Variants in USP32 observed in about 807,000 individuals in gnomAD.
The protein encoded by USP32 is ubiquitin carboxyl-terminal hydrolase 32.
In USP32, 59 loss-of-function variants were observed where a neutral mutation model predicts 204.8. The ratio of observed to expected loss-of-function variants is 0.29; its 90% CI spans 0.23 to 0.36. USP32 has a LOEUF of 0.36. Ranked by LOEUF, USP32 falls within the 10% of genes least tolerant of loss-of-function variation. The pLI is 1.00. For missense variants in USP32, 1,160 were observed against 1,946.4 expected, an observed-to-expected ratio of 0.60 and a Z score of 7.60; for synonymous variants, 517 against 678.4, an observed-to-expected ratio of 0.76 and a Z score of 3.70.
At chr17:60,407,605 A>G (rs919373158) in intron 1 of USP32, among the ~76,000 whole-genome samples, 19 of 152,064 alleles carry the variant, frequency 1.2e-4, no homozygotes, top group African/African-American at 4.6e-4. Flanking sequence ...ACTACAAAAT[A>G]CAGACATTCA....
chr17:60,301,762 G>T, intron 2 of USP32, 58 bp from the exon 3 acceptor site: 1 of 1,241,160 alleles, frequency 8.1e-7, no homozygotes, highest in Non-Finnish European at 1.1e-6. Flanking sequence ...AGGAATCTGA[G>T]GCAGCTATCA....
intron 29 of USP32, among the ~76,000 whole-genome samples, chr17:60,187,084 T>C (rs536977205): frequency 8.5e-5 from 13 of 152,336 alleles, no homozygotes; most frequent in African/African-American, 1.7e-4. Context: ...ACTTCCTCCA[T>C]GAATTTCCCT....
chr17:60,386,541 A>T (rs893428158), intron 1 of USP32, among the ~76,000 whole-genome samples: 12 of 152,146 alleles, frequency 7.9e-5, no homozygotes, highest in African/African-American at 2.9e-4. Flanking sequence ...CAGTGCCAAA[A>T]ATCTTCCTTT....
intron 27 of USP32, among the ~76,000 whole-genome samples, chr17:60,196,243 T>A (rs1248756933): frequency 1.4e-5 from 2 of 142,596 alleles, no homozygotes; most frequent in African/African-American, 2.9e-5. Flanking sequence ...TCCAGCCTGG[T>A]GACAGAGCAA....
intron 11 of USP32, among the ~76,000 whole-genome samples, chr17:60,248,847 G>A (rs536528353): frequency 1.2e-4 from 18 of 152,068 alleles, no homozygotes; most frequent in Admixed American, 2.6e-4. Context: ...TTTTTTCCTC[G>A]TATATGGGTC....
At chr17:60,194,095 T>C (rs553837904) in intron 27 of USP32, among the ~76,000 whole-genome samples, 68 of 151,894 alleles carry the variant, frequency 4.5e-4, no homozygotes, top group Non-Finnish European at 9.3e-4. Flanking sequence ...CAGGCTGGAG[T>C]GCAGTGGCGC....
intron 9 of USP32, among the ~76,000 whole-genome samples, chr17:60,262,685 T>A (rs2086483442): frequency 6.6e-6 from 1 of 152,152 alleles, no homozygotes; most frequent in African/African-American, 2.4e-5. Context: ...GCCTTCAATA[T>A]ATGAATCTGT....
rs375066429 is a variant in USP32, at chr17:60,301,366, A to T, written c.292+233T>A. On this transcript the variant is annotated intron_variant, in intron 3 of 33. Coordinates refer to ENST00000300896, the MANE Select transcript of USP32 (RefSeq NM_032582.4). ...TTCCACATCTTCCTCAACACTTATT[A>T]TCAGGCTTTTTACTTTTAGCCACTC... 7.4e-4 allele frequency: 226 copies of T among 307,050 alleles called. 2 individuals carry two copies. Among genetic ancestry groups the T allele is most frequent in the African/African-American group, 4.4e-3 (200 of 44,960 alleles). The allele number at this position is 307,050 out of a possible 1,614,324, so 19.0% of individuals were successfully genotyped here. A position where few individuals can be genotyped will look rare whatever the true frequency, so the allele number is the denominator to read the frequency against.
At chr17:60,271,320 A>C (rs1220430216) in intron 6 of USP32, 30 bp downstream of exon 6, 18 of 1,610,846 alleles carry the variant, frequency 1.1e-5, no homozygotes, top group African/African-American at 2.7e-5. Flanking sequence ...TTTACCAGTG[A>C]ACATATGTAG....
intron 2 of USP32, among the ~76,000 whole-genome samples, chr17:60,324,857 G>T (rs2088194407): frequency 6.6e-6 from 1 of 152,014 alleles, no homozygotes; most frequent in Non-Finnish European, 1.5e-5. Context: ...TACAAAATTA[G>T]CCAGGTGTGG....
In USP32 at chr17:60,187,285, C is replaced by G. The variant is rs141203672; in HGVS notation, c.3643-1634G>C. On this transcript the variant is annotated intron_variant, in intron 29 of 33. Transcript: ENST00000300896. ...TAAGGTTCTAGCACTGCATAACTAT[C>G]CAGGCTAAAGAGCTCATTTAAAAAG... Among the ~76,000 whole-genome samples, 542 of 152,272 alleles carry G rather than the reference C, an allele frequency of 3.6e-3. 2 individuals carry two copies. The highest frequency in any genetic ancestry group is 0.012 in the African/African-American group (497 of 41,564).
At position 60,219,782 on chromosome 17, in the gene USP32, G is replaced by C; in HGVS notation, c.1755C>G (p.Ile585Met). 6.2e-7 allele frequency: 1 copy of C among 1,609,532 alleles called. No homozygotes were observed. The highest frequency in any genetic ancestry group is 8.5e-7 in the Non-Finnish European group (1 of 1,178,284). ...GANLALPRPV[I>M]KNSKTDIPEL... Reference sequence around the variant, plus strand: ...CTGGGATGTCTGTCTTGCTGTTCTTGATAACCTATTGTTTTAAAAGATAAA... The same window carrying C: ...CTGGGATGTCTGTCTTGCTGTTCTTCATAACCTATTGTTTTAAAAGATAAA... The change falls in exon 16 of 34, where the codon ATC (isoleucine) becomes ATG (methionine). Residue 585 changes from isoleucine (I) to methionine (M), a missense_variant. By Grantham distance (10) the Ile-to-Met change is conservative (BLOSUM62 1). Around this residue, in one of 8 missense-constraint regions of USP32, gnomAD observed 37 missense variants for 62.6 expected, o/e 0.59. Coordinates refer to ENST00000300896, the MANE Select transcript of USP32 (RefSeq NM_032582.4).
intron 1 of USP32, among the ~76,000 whole-genome samples, chr17:60,352,965 C>T (rs1201053120): frequency 6.6e-6 from 1 of 152,176 alleles, no homozygotes; most frequent in Non-Finnish European, 1.5e-5. Context: ...CTAAGATATA[C>T]TCAGTGCTAC....
rs80057311 is a variant in USP32, at chr17:60,368,516, T to C, written c.59-22908A>G. ...AACAAGACTACTAGTTACAGGGCCA[T>C]TGCGGTTGGGGGGCGGGGGAAACGA... is the stretch of plus-strand genomic sequence containing the variant. On this transcript the variant is annotated intron_variant, in intron 1 of 33. Transcript: ENST00000300896. 1.8e-3 allele frequency among the ~76,000 whole-genome samples: 278 copies of C among 151,952 alleles called. 2 individuals are homozygous for C. The highest frequency in any genetic ancestry group is 5.6e-3 in the African/African-American group (231 of 41,440).
intron 2 of USP32, among the ~76,000 whole-genome samples, chr17:60,318,263 G>T (rs1488490935): frequency 6.6e-6 from 1 of 152,152 alleles, no homozygotes; most frequent in African/African-American, 2.4e-5. Context: ...AGATATAGAA[G>T]AAGATCAAGC....
chr17:60,312,474 G>C (rs1004539815), intron 2 of USP32, among the ~76,000 whole-genome samples: 4 of 152,058 alleles, frequency 2.6e-5, no homozygotes, highest in East Asian at 3.9e-4. Flanking sequence ...TGCCCAGGCT[G>C]TAGTGCAGTG....
intron 1 of USP32, among the ~76,000 whole-genome samples, chr17:60,370,532 G>C (rs937954035): frequency 6.6e-6 from 1 of 151,694 alleles, no homozygotes; most frequent in Non-Finnish European, 1.5e-5. Context: ...AGGCCGAGGC[G>C]GGAGGATCAC....
chr17:60,179,813 G>C (rs1470118770), intron 33 of USP32, among the ~76,000 whole-genome samples: 1 of 152,146 alleles, frequency 6.6e-6, no homozygotes, highest in African/African-American at 2.4e-5. Context: ...TGGGACTACA[G>C]GTGCGTGCCA....
chr17:60,191,906 C>T (rs1452134759), intron 28 of USP32, among the ~76,000 whole-genome samples: 1 of 152,118 alleles, frequency 6.6e-6, no homozygotes, highest in Non-Finnish European at 1.5e-5. Context: ...CAGCAATGAC[C>T]AATCAATCTC....
Sources: allele counts gnomAD v4.1 joint callset (sites outside exome capture counted in the v4.1 genomes callset), GRCh38; gene constraint gnomAD v4.1.1; regional missense constraint gnomAD v4.1.1; transcripts MANE v1.5; gene names NCBI Gene and HGNC (gene_info 2026-07-23, HGNC 2026-07-21).